The following MYCBP2 variants were observed in gnomAD, a reference collection of about 807,000 sequenced individuals.
MYCBP2 encodes E3 ubiquitin-protein ligase MYCBP2.
In MYCBP2, 120 loss-of-function variants were observed where a neutral mutation model predicts 525.3. That is an observed-to-expected ratio of 0.23 (90% confidence interval 0.20 to 0.27). The LOEUF (loss-of-function observed/expected upper bound fraction) is 0.27. Among genes scored for constraint, MYCBP2 ranks in the 10% least tolerant of loss-of-function variants. The pLI is 1.00. For missense variants in MYCBP2, 4,149 were observed against 5,657.1 expected, an observed-to-expected ratio of 0.73 and a Z score of 8.55; for synonymous variants, 1,894 against 1,955.8, an observed-to-expected ratio of 0.97 and a Z score of 0.83.
At chr13:77,210,559 T>G (rs2063876970) in intron 23 of MYCBP2, among the ~76,000 whole-genome samples, 1 of 152,216 alleles carries the variant, frequency 6.6e-6, no homozygotes, top group African/African-American at 2.4e-5. Context: ...CTTATTTATC[T>G]CTATGTTTTT....
In MYCBP2 at chr13:77,261,243, C is replaced by A; in HGVS notation, c.1780G>T (p.Ala594Ser). Reference sequence around the variant, plus strand: ...CTCCCATCTTCTGCAACTAAAAGGGCGTGAGAGCCATCGTGTCCAACTGAG... The same window carrying A: ...CTCCCATCTTCTGCAACTAAAAGGGAGTGAGAGCCATCGTGTCCAACTGAG... ...HFSVGHDGSH[A>S]LLVAEDGSIF... Residue 594 changes from alanine (A) to serine (S), a missense_variant, in exon 12 of 83, where the codon GCC (alanine) becomes TCC (serine). Coordinates refer to ENST00000544440, the MANE Select transcript of MYCBP2 (RefSeq NM_015057.5). The A allele has an allele frequency of 6.2e-7, 1 of 1,613,632 alleles. No homozygotes were observed. Among genetic ancestry groups the A allele is most frequent in the Non-Finnish European group, 8.5e-7 (1 of 1,179,724 alleles).
chr13:77,084,090 C>T (rs80233601), intron 62 of MYCBP2, among the ~76,000 whole-genome samples: 1 of 152,250 alleles, frequency 6.6e-6, no homozygotes, highest in Non-Finnish European at 1.5e-5. Flanking sequence ...TCAGAACAGT[C>T]ATTTAGGTTG....
intron 68 of MYCBP2, among the ~76,000 whole-genome samples, chr13:77,071,713 T>C (rs895208951): frequency 5.9e-5 from 9 of 152,200 alleles, no homozygotes; most frequent in Admixed American, 2.0e-4. Flanking sequence ...TGAATATTAT[T>C]GATCAACTTG....
At position 77,169,728 on chromosome 13, in the gene MYCBP2, T is replaced by C. The variant is rs780424343; in HGVS notation, c.5795-14A>G. 1.3e-6 allele frequency: 2 copies of C among 1,587,824 alleles called. No individual in the cohort carries two copies. Among genetic ancestry groups the C allele is most frequent in the Admixed American group, 3.3e-5 (2 of 59,892 alleles). On this transcript the variant is annotated splice_polypyrimidine_tract_variant and intron_variant, in intron 38 of 82. Transcript: ENST00000544440. ...GAATGTCATCAGCTAAAAAAAGGCA[T>C]AAAAGGCATTAAAACTATAGTCAGA... is the stretch of plus-strand genomic sequence containing the variant.
intron 14 of MYCBP2, among the ~76,000 whole-genome samples, chr13:77,254,674 C>A (rs943723902): frequency 6.6e-6 from 1 of 151,794 alleles, no homozygotes; most frequent in Non-Finnish European, 1.5e-5. Context: ...ACGACATTCA[C>A]CCTACTCTGC....
At position 77,125,451 on chromosome 13, in the gene MYCBP2, C is replaced by T; in HGVS notation, c.7902G>A (p.Gly2634=). The change falls in exon 54 of 83, where the codon GGG becomes GGA. Residue 2634 remains glycine (G), a synonymous_variant. Coordinates refer to ENST00000544440, the MANE Select transcript of MYCBP2 (RefSeq NM_015057.5). The stretch of plus-strand genomic sequence containing the variant: ...TGTTCTGATCCAGTTGCACCCATGT[C>T]CCTTCAGAATTGGTTACCTGGTACA... ...KAVGEVTNSE[G]TWVQLDQNSM... is the part of the protein sequence containing the mutation. The T allele has an allele frequency of 6.2e-7, 1 of 1,613,718 alleles. No individual in the cohort carries two copies. The highest frequency in any genetic ancestry group is 2.2e-5 in the East Asian group (1 of 44,862).
chr13:77,087,463 CA>C lies in MYCBP2; in HGVS notation c.10875+20del. 1 of 1,588,428 alleles carries C rather than the reference CA, an allele frequency of 6.3e-7. No individual in the cohort carries two copies. Among genetic ancestry groups the C allele is most frequent in the Non-Finnish European group, 8.6e-7 (1 of 1,163,876 alleles). On this transcript the variant is annotated intron_variant, in intron 62 of 82. Coordinates refer to ENST00000544440, the MANE Select transcript of MYCBP2 (RefSeq NM_015057.5). ...CAGTTTCTATAAAAATATGCACAAT[CA>C]AAACAAAAATTTCATTTACTTGTTC...
At position 77,125,423 on chromosome 13, in the gene MYCBP2, T is replaced by G. The variant is rs573865970; in HGVS notation, c.7930A>C (p.Met2644Leu). 5 of 1,614,032 alleles carry G rather than the reference T, an allele frequency of 3.1e-6. No individual in the cohort carries two copies. Among genetic ancestry groups the G allele is most frequent in the Non-Finnish European group, 2.5e-6 (3 of 1,179,872 alleles). Reference protein sequence around the residue: ...GTWVQLDQNSMVEFCESDEGE... With the variant: ...GTWVQLDQNSLVEFCESDEGE... Reference sequence around the variant, plus strand: ...TCATCACTCTCACAGAACTCTACCATGCTGTTCTGATCCAGTTGCACCCAT... The same window carrying G: ...TCATCACTCTCACAGAACTCTACCAGGCTGTTCTGATCCAGTTGCACCCAT... Residue 2644 changes from methionine (M) to leucine (L), a missense_variant, in exon 54 of 83, where the codon ATG becomes CTG. Met to Leu is a conservative substitution (Grantham distance 15, BLOSUM62 2). Around this residue, in one of 21 missense-constraint regions of MYCBP2, gnomAD observed 653 missense variants for 744.7 expected, o/e 0.88. Coordinates refer to ENST00000544440, the MANE Select transcript of MYCBP2 (RefSeq NM_015057.5).
intron 63 of MYCBP2, 174 bp from the exon 64 acceptor site, chr13:77,082,167 TAAAGGTA>T (rs2043410506): frequency 1.8e-6 from 1 of 563,594 alleles, no homozygotes; most frequent in Admixed American, 3.6e-5. Flanking sequence ...TTTTGAGAAA[TAAAGGTA>T]ACTTCTTTGG....
At chr13:77,270,218 G>GA in intron 6 of MYCBP2, 78 bp downstream of exon 6, 2 of 1,487,214 alleles carry the variant, frequency 1.3e-6, no homozygotes, top group South Asian at 1.4e-5. Context: ...TTCTAGAAAT[G>GA]AAACTAGAAA....
intron 21 of MYCBP2, among the ~76,000 whole-genome samples, chr13:77,216,916 GA>G (rs572396787): frequency 2.6e-5 from 4 of 151,260 alleles, no homozygotes; most frequent in South Asian, 2.1e-4. Flanking sequence ...AAGGATTTGA[GA>G]AAAAAAAATA....
intron 68 of MYCBP2, among the ~76,000 whole-genome samples, chr13:77,072,305 A>G (rs1242860619): frequency 5.0e-5 from 3 of 59,442 alleles, no homozygotes; most frequent in African/African-American, 1.6e-4. Flanking sequence ...AAAAAGAAAA[A>G]AAAAAAAAAA....
At chr13:77,304,200 C>T (rs1209956022) in intron 1 of MYCBP2, among the ~76,000 whole-genome samples, 2 of 152,116 alleles carry the variant, frequency 1.3e-5, no homozygotes, top group African/African-American at 4.8e-5. Flanking sequence ...ACACTATTCA[C>T]AATAGCCAAG....
chr13:77,177,205 A>C (rs962276434), intron 35 of MYCBP2, among the ~76,000 whole-genome samples: 7 of 151,828 alleles, frequency 4.6e-5, no homozygotes, highest in African/African-American at 1.7e-4. Flanking sequence ...AAACACTTTT[A>C]GTCTTTAATT....
chr13:77,176,979 C>T (rs920239007), intron 35 of MYCBP2, among the ~76,000 whole-genome samples: 2 of 152,040 alleles, frequency 1.3e-5, no homozygotes, highest in African/African-American at 2.4e-5. Context: ...CAATGATTTA[C>T]ATGCTACCCC....
chr13:77,185,043 C>T (rs746453267), intron 32 of MYCBP2, 60 bp downstream of exon 32: 3 of 1,447,098 alleles, frequency 2.1e-6, no homozygotes, highest in Non-Finnish European at 2.8e-6. Context: ...AATTTATTTT[C>T]TTGAAGAGTA....
intron 5 of MYCBP2, among the ~76,000 whole-genome samples, chr13:77,272,030 AT>A (rs2074970469): frequency 6.6e-6 from 1 of 152,212 alleles, no homozygotes; most frequent in South Asian, 2.1e-4. Context: ...AACTGCAGCT[AT>A]TGATTCAGAG....
At chr13:77,176,662 C>G in intron 35 of MYCBP2, 34 bp from the exon 36 acceptor site, 7 of 1,459,858 alleles carry the variant, frequency 4.8e-6, no homozygotes, top group Non-Finnish European at 6.4e-6. Flanking sequence ...AAAATTCCAA[C>G]AGACTCTTAA....
At chr13:77,052,688 C>A (rs1019151541) in intron 80 of MYCBP2, among the ~76,000 whole-genome samples, 32 of 152,278 alleles carry the variant, frequency 2.1e-4, no homozygotes, top group Middle Eastern at 6.8e-3. Context: ...TCCCCTTCTA[C>A]TGTTTTAATA....
Sources: allele counts gnomAD v4.1 joint callset (sites outside exome capture counted in the v4.1 genomes callset), GRCh38; gene constraint gnomAD v4.1.1; regional missense constraint gnomAD v4.1.1; transcripts MANE v1.5; gene names NCBI Gene and HGNC (gene_info 2026-07-23, HGNC 2026-07-21).